Variants in TBCD observed in about 807,000 individuals in gnomAD.
TBCD encodes tubulin-specific chaperone D.
A neutral mutation model predicts 169.3 loss-of-function variants in TBCD; 105 were observed. That is an observed-to-expected ratio of 0.62 (90% CI 0.53 to 0.73). The LOEUF (loss-of-function observed/expected upper bound fraction) is 0.73, where lower values mean the gene tolerates loss of function less well. Among genes scored for constraint, TBCD ranks in the 30% least tolerant of loss-of-function variants. The pLI, the probability that TBCD is intolerant of heterozygous loss-of-function variation, is 0.00. For missense variants in TBCD, 1,444 were observed against 1,600.1 expected (o/e 0.90, Z 1.66); for synonymous variants, 700 against 643.9 (o/e 1.09, Z -1.32).
intron 30 of TBCD, 25 bp downstream of exon 30, chr17:82,928,013 T>C (rs1181486404): frequency 1.2e-6 from 2 of 1,602,996 alleles, no homozygotes; most frequent in African/African-American, 2.7e-5. Flanking sequence ...GCAGCTCTTC[T>C]GCATCCTAGA....
intron 14 of TBCD, among the ~76,000 whole-genome samples, chr17:82,872,022 G>A (rs1369975518): frequency 6.6e-6 from 1 of 152,210 alleles, no homozygotes. Context: ...GCCCACTGCT[G>A]TTCCATCTTA....
intron 37 of TBCD, among the ~76,000 whole-genome samples, chr17:82,940,559 TGTGGCCTCGGAGGACAGAG>T (rs1049254426): frequency 6.6e-6 from 1 of 152,206 alleles, no homozygotes; most frequent in Non-Finnish European, 1.5e-5. Flanking sequence ...AGGCAGCCGC[TGTGGCCTCGGAGGACAGAG>T]GTGGCCTCTC....
intron 2 of TBCD, among the ~76,000 whole-genome samples, chr17:82,759,972 C>T (rs1296882573): frequency 2.6e-5 from 4 of 151,420 alleles, no homozygotes; most frequent in Admixed American, 6.6e-5. Context: ...CTGCAACCTC[C>T]GCCTCCCAGG....
intron 13 of TBCD, among the ~76,000 whole-genome samples, chr17:82,861,584 C>G (rs2145819112): frequency 6.6e-6 from 1 of 152,368 alleles, no homozygotes; most frequent in Non-Finnish European, 1.5e-5. Context: ...CCGGAGAGGG[C>G]TGTGATTGCG....
intron 34 of TBCD, among the ~76,000 whole-genome samples, chr17:82,936,958 G>C (rs1417791413): frequency 6.6e-6 from 1 of 152,228 alleles, no homozygotes. Context: ...CATCCTGGCC[G>C]CCGCTGTGTT....
intron 7 of TBCD, 57 bp from the exon 8 acceptor site, chr17:82,797,700 A>G (rs2050197794): frequency 1.6e-6 from 2 of 1,275,194 alleles, no homozygotes; most frequent in Non-Finnish European, 1.1e-6. Flanking sequence ...ATTTGTGTGT[A>G]TGTTTTAAAC....
chr17:82,929,031 G>A, intron 30 of TBCD, 82 bp from the exon 31 acceptor site: 1 of 1,521,518 alleles, frequency 6.6e-7, no homozygotes, highest in Non-Finnish European at 8.8e-7. Flanking sequence ...TGGAGTCACG[G>A]CTCGGACCGC....
rs2049048757 is a variant in TBCD at position 82,782,946 on chromosome 17, C to CGGTGCCCTCCTGTCCAT, written c.771+1230_771+1246dup. Among the ~76,000 whole-genome samples, 1 of 151,420 alleles carries CGGTGCCCTCCTGTCCAT rather than the reference C, an allele frequency of 6.6e-6. No individual in the cohort carries two copies. The highest frequency in any genetic ancestry group is 1.9e-4 in the East Asian group (1 of 5,166). On this transcript the variant is annotated intron_variant, in intron 7 of 38. Coordinates refer to ENST00000355528, the MANE Select transcript of TBCD (RefSeq NM_005993.5). The surrounding 1 kb of genome is among the most constrained non-coding windows in gnomAD (Gnocchi z 5.1). ...CCTGTCCATGGCGGCCTCCTGTCCG[C>CGGTGCCCTCCTGTCCAT]GGTGCCCTCCTGTCCATGGTGGCCT...
chr17:82,901,301 A>G (rs528974816), intron 18 of TBCD, among the ~76,000 whole-genome samples: 2 of 152,366 alleles, frequency 1.3e-5, no homozygotes, highest in East Asian at 1.9e-4. Flanking sequence ...CTCCTAGGAC[A>G]GTGCCGTGCT....
chr17:82,915,164 C>T lies in TBCD; in HGVS notation c.2038+3375C>T, dbSNP rs1343363229. On this transcript the variant is annotated intron_variant, in intron 23 of 38. Coordinates refer to ENST00000355528, the MANE Select transcript of TBCD (RefSeq NM_005993.5). This position sits in a 1 kb window ranked among gnomAD's most constrained non-coding sequence, Gnocchi z 4.3. The stretch of plus-strand genomic sequence containing the variant: ...GGGGAGGGGCTGCTGGTCACTTTCT[C>T]ACCCAGGCCAGAGGATGGCGCCCTT... 1.3e-5 allele frequency among the ~76,000 whole-genome samples: 2 copies of T among 152,156 alleles called. No individual in the cohort carries two copies. The highest frequency in any genetic ancestry group is 4.8e-5 in the African/African-American group (2 of 41,424).
rs752972547 is a variant in TBCD at position 82,756,208 on chromosome 17, G to A, written c.228G>A (p.Pro76=). Residue 76 remains proline, a synonymous_variant, in exon 2 of 39, where the codon CCG becomes CCA. Coordinates refer to ENST00000355528, the MANE Select transcript of TBCD (RefSeq NM_005993.5). ...AGGAGCAGCCTCATCTGTTGGACCC[G>A]CACCTTGGTAAGAATAGAAGCTGCT... ...KYQEQPHLLD[P]HLEWMMNLLL... is the part of the protein sequence containing the mutation. The A allele has an allele frequency of 1.9e-6, 3 of 1,609,082 alleles. No homozygotes were observed. The highest frequency in any genetic ancestry group is 1.3e-5 in the African/African-American group (1 of 74,830).
chr17:82,763,166 T>G (rs1379437382), intron 2 of TBCD, among the ~76,000 whole-genome samples: 1 of 152,204 alleles, frequency 6.6e-6, no homozygotes, highest in Non-Finnish European at 1.5e-5. Context: ...CAACCGTGTC[T>G]CCTTTCATTT....
chr17:82,940,949 CCT>C (rs1355316478), intron 37 of TBCD, among the ~76,000 whole-genome samples: 1 of 152,016 alleles, frequency 6.6e-6, no homozygotes, highest in African/African-American at 2.4e-5. Flanking sequence ...CGTTTAATCC[CCT>C]TTCTGTTAAA....
intron 26 of TBCD, 60 bp from the exon 27 acceptor site, chr17:82,924,879 G>A: frequency 7.3e-7 from 1 of 1,372,258 alleles, no homozygotes. Flanking sequence ...CACACGTCGG[G>A]TGTGGCTGTA....
intron 11 of TBCD, among the ~76,000 whole-genome samples, chr17:82,807,948 C>T (rs183414770): frequency 1.7e-4 from 26 of 152,368 alleles, no homozygotes; most frequent in African/African-American, 6.0e-4. Context: ...TCCACATCCT[C>T]ATCACTGTGC....
intron 22 of TBCD, among the ~76,000 whole-genome samples, chr17:82,910,057 G>C (rs558580661): frequency 6.6e-6 from 1 of 152,258 alleles, no homozygotes; most frequent in Non-Finnish European, 1.5e-5. Context: ...CCACTCACCA[G>C]CCCAGGCTCA....
intron 13 of TBCD, chr17:82,830,617 G>A (rs765824244): frequency 1.2e-6 from 2 of 1,614,034 alleles, no homozygotes; most frequent in Admixed American, 3.3e-5. Context: ...GGGGAAGGCA[G>A]GCCTCGGAGC....
rs752241155 is a variant in TBCD at position 82,889,740 on chromosome 17, G to C, written c.1563+43G>C. ...CACCTTTATTCCAAAAACTTCCTGC[G>C]GGTTTATAGGTAGGAATCTTGAGAG... On this transcript the variant is annotated intron_variant, in intron 16 of 38. Transcript: ENST00000355528. The surrounding 1 kb of genome is among the most constrained non-coding windows in gnomAD (Gnocchi z 5.3). 1.2e-6 allele frequency: 2 copies of C among 1,609,196 alleles called. No individual in the cohort carries two copies. The highest frequency in any genetic ancestry group is 1.1e-5 in the South Asian group (1 of 90,676).
At chr17:82,797,593 A>G (rs2050191320) in intron 7 of TBCD, among the ~76,000 whole-genome samples, 164 bp from the exon 8 acceptor site, 1 of 152,160 alleles carries the variant, frequency 6.6e-6, no homozygotes, top group African/African-American at 2.4e-5. Flanking sequence ...CTAGTCTCTT[A>G]TAATTACTTT....
Sources: allele counts gnomAD v4.1 joint callset (sites outside exome capture counted in the v4.1 genomes callset), GRCh38; gene constraint gnomAD v4.1.1; non-coding constraint Gnocchi (gnomAD v3.1); transcripts MANE v1.5; gene names NCBI Gene and HGNC (gene_info 2026-07-23, HGNC 2026-07-21).